The following WIPI2 variants were observed in gnomAD, a reference collection of about 807,000 sequenced individuals.
The protein encoded by WIPI2 is WD repeat domain phosphoinositide-interacting protein 2.
Under a neutral mutation model 52.3 loss-of-function variants are expected in WIPI2, and 28 were observed. The observed-to-expected ratio is 0.54, with a 90% CI of 0.40 to 0.73. The LOEUF is 0.73. Ranked by LOEUF, WIPI2 falls within the 30% of genes least tolerant of loss-of-function variation. The pLI is 0.00. For missense variants in WIPI2, 506 were observed against 602.9 expected (o/e 0.84, Z 1.68); for synonymous variants, 268 against 245.0 (o/e 1.09, Z -0.88).
intron 3 of WIPI2, among the ~76,000 whole-genome samples, chr7:5,200,987 A>G (rs568325897): frequency 3.3e-5 from 5 of 152,166 alleles, no homozygotes; most frequent in Non-Finnish European, 7.3e-5. Context: ...TACTTACTAA[A>G]TCTTCCAAAA....
intron 7 of WIPI2, 21 bp downstream of exon 7, chr7:5,218,035 G>A (rs765784167): frequency 1.2e-6 from 2 of 1,613,314 alleles, no homozygotes; most frequent in Middle Eastern, 3.3e-4. Flanking sequence ...TTTTCCCCGG[G>A]GGAGCACTGG....
chr7:5,215,663 T>C (rs4236378), intron 4 of WIPI2, among the ~76,000 whole-genome samples: 126,795 of 152,318 alleles, frequency 0.83, 52,779 homozygotes, highest in East Asian at 0.95. Flanking sequence ...AGAGACGTTC[T>C]TGCCTTACGC....
chr7:5,231,354 G>A lies in WIPI2; in HGVS notation c.*407G>A, dbSNP rs545989670. ...GAGTGCGTAAGGAAACCGTGGCGTC[G>A]CGCACAGTGGGTCTGCTTGTCAAGG... is the stretch of plus-strand genomic sequence containing the variant. On this transcript the variant is annotated 3_prime_UTR_variant, in exon 13 of 13. Transcript: ENST00000288828. 8.6e-4 allele frequency: 136 copies of A among 158,864 alleles called. No individual in the cohort carries two copies. The highest frequency in any genetic ancestry group is 1.4e-3 in the Non-Finnish European group (101 of 72,246). 9.8% of individuals were successfully genotyped at this position (158,864 alleles called of 1,614,324 possible). A position where few individuals can be genotyped will look rare whatever the true frequency, so the allele number is the denominator to read the frequency against.
chr7:5,199,698 A>T, intron 3 of WIPI2, 40 bp downstream of exon 3: 1 of 1,556,304 alleles, frequency 6.4e-7, no homozygotes, highest in Non-Finnish European at 8.7e-7. Flanking sequence ...TAAAAAAAAA[A>T]AAAAAAGTTG....
At chr7:5,190,815 ACTTGT>A (rs946543770) in intron 1 of WIPI2, 7 of 232,916 alleles carry the variant, frequency 3.0e-5, no homozygotes, top group Admixed American at 2.9e-4. Context: ...TTGGGGCTTG[ACTTGT>A]CTTGGCCGCC....
chr7:5,231,044 G>T lies in WIPI2; in HGVS notation c.*97G>T. 1 of 899,402 alleles carries T rather than the reference G, an allele frequency of 1.1e-6. No individual in the cohort carries two copies. The allele number at this position is 899,402 out of a possible 1,614,324, so 55.7% of individuals were successfully genotyped here. A position where few individuals can be genotyped will look rare whatever the true frequency, so the allele number is the denominator to read the frequency against. On this transcript the variant is annotated 3_prime_UTR_variant, in exon 13 of 13. Coordinates refer to ENST00000288828, the MANE Select transcript of WIPI2 (RefSeq NM_015610.4). ...ATGAACTTTGACCTGAGTCGGGGGA[G>T]AGGATGGCAGAGACTTTATTAAAAA...
chr7:5,205,281 C>G (rs917717682), intron 3 of WIPI2, among the ~76,000 whole-genome samples: 2 of 152,096 alleles, frequency 1.3e-5, no homozygotes, highest in Admixed American at 1.3e-4. Flanking sequence ...CGGCCCTGGC[C>G]TATTAGTCTT....
chr7:5,204,741 T>C (rs965515974), intron 3 of WIPI2, among the ~76,000 whole-genome samples: 1 of 152,072 alleles, frequency 6.6e-6, no homozygotes, highest in Admixed American at 6.6e-5. Flanking sequence ...ACTCATGCAG[T>C]GGTGCCAGCA....
chr7:5,228,790 G>A (rs1050669887), intron 11 of WIPI2, among the ~76,000 whole-genome samples: 3 of 152,218 alleles, frequency 2.0e-5, no homozygotes, highest in South Asian at 4.1e-4. Flanking sequence ...GAGCAGTGGT[G>A]CAGTCACAGC....
intron 11 of WIPI2, 62 bp downstream of exon 11, chr7:5,228,273 C>A (rs555847731): frequency 1.4e-6 from 2 of 1,435,096 alleles, no homozygotes; most frequent in East Asian, 4.9e-5. Flanking sequence ...TTCGGGGCAC[C>A]TGGCGAACGT....
At chr7:5,218,081 A>G (rs1782915296) in intron 7 of WIPI2, 67 bp downstream of exon 7, 4 of 1,540,898 alleles carry the variant, frequency 2.6e-6, no homozygotes, top group Non-Finnish European at 2.7e-6. Flanking sequence ...AGTTCTGTTC[A>G]CACAGCCACC....
At chr7:5,191,147 G>A (rs991859236) in intron 1 of WIPI2, among the ~76,000 whole-genome samples, 1 of 152,042 alleles carries the variant, frequency 6.6e-6, no homozygotes, top group African/African-American at 2.4e-5. Context: ...AGCCTCCCGA[G>A]TAGCTGAGAC....
At chr7:5,226,933 T>C in intron 9 of WIPI2, 1 of 518,060 alleles carries the variant, frequency 1.9e-6, no homozygotes, top group South Asian at 2.4e-5. Context: ...CTGCCACGTC[T>C]TGTCCGTGGC....
chr7:5,233,633 C>T lies in WIPI2; in HGVS notation c.*2686C>T, dbSNP rs1783832537. On this transcript the variant is annotated 3_prime_UTR_variant, in exon 13 of 13. Coordinates refer to ENST00000288828, the MANE Select transcript of WIPI2 (RefSeq NM_015610.4). ...GGAGTCAAAAAGAACTGCTTCAGTC[C>T]CCGCTGTACCGCCTGCCTAGCTGTG... 1 of 152,366 alleles carries T rather than the reference C, an allele frequency of 6.6e-6. No homozygotes were observed. Among genetic ancestry groups the T allele is most frequent in the Admixed American group, 6.6e-5 (1 of 15,248 alleles). The allele number at this position is 152,366 out of a possible 1,614,324, so 9.4% of individuals were successfully genotyped here. A position where few individuals can be genotyped will look rare whatever the true frequency, so the allele number is the denominator to read the frequency against.
chr7:5,224,122 C>T (rs138558775), intron 8 of WIPI2, among the ~76,000 whole-genome samples: 3 of 152,378 alleles, frequency 2.0e-5, no homozygotes, highest in East Asian at 1.9e-4. Flanking sequence ...CCAGCCCTTC[C>T]GCCCAGCCTG....
Position 5,225,841 on chromosome 7 carries a change from C to G in WIPI2, c.759C>G (p.Ser253=), listed in dbSNP as rs372990601. Residue 253 remains serine (S), a synonymous_variant, in exon 9 of 13, where the codon TCC becomes TCG. Transcript: ENST00000288828. ...RGVKRCVSIC[S]LAFSMDGMFL... ...TCCCCAGGTGCGTGAGCATCTGCTC[C>G]CTGGCCTTCAGCATGGACGGCATGT... The G allele has an allele frequency of 6.2e-7, 1 of 1,613,110 alleles. No homozygotes were observed. The highest frequency in any genetic ancestry group is 8.5e-7 in the Non-Finnish European group (1 of 1,179,758).
chr7:5,223,601 G>A (rs370415899), intron 8 of WIPI2, among the ~76,000 whole-genome samples: 23 of 152,226 alleles, frequency 1.5e-4, no homozygotes, highest in African/African-American at 4.1e-4. Flanking sequence ...CCCTGGAGCC[G>A]CTCTTCACCC....
At position 5,203,512 on chromosome 7, in the gene WIPI2, A is replaced by G. The variant is rs75931281; in HGVS notation, c.211+3854A>G. Among the ~76,000 whole-genome samples, 117 of 152,230 alleles carry G rather than the reference A, an allele frequency of 7.7e-4. 6 individuals are homozygous for G. The East Asian group carries it at 0.02, about 27-fold the overall frequency. Reference sequence around the variant, plus strand: ...TAATTTCTTAGATTTTAGTCAGGCAATCTCTAGGAGGGAAGTTTGGCAGAA... The same window carrying G: ...TAATTTCTTAGATTTTAGTCAGGCAGTCTCTAGGAGGGAAGTTTGGCAGAA... On this transcript the variant is annotated intron_variant, in intron 3 of 12. Coordinates refer to ENST00000288828, the MANE Select transcript of WIPI2 (RefSeq NM_015610.4).
chr7:5,224,041 A>G (rs1421811481), intron 8 of WIPI2, among the ~76,000 whole-genome samples: 1 of 152,032 alleles, frequency 6.6e-6, no homozygotes, highest in African/African-American at 2.4e-5. Context: ...CCCACCTGAC[A>G]TCTCCCACCA....
Sources: allele counts gnomAD v4.1 joint callset (sites outside exome capture counted in the v4.1 genomes callset), GRCh38; gene constraint gnomAD v4.1.1; transcripts MANE v1.5; gene names NCBI Gene and HGNC (gene_info 2026-07-23, HGNC 2026-07-21).